Variants in TET3 observed in about 807,000 individuals in gnomAD.
TET3 encodes the protein tet methylcytosine dioxygenase 3.
A neutral mutation model predicts 141.4 loss-of-function variants in TET3; 19 were observed. The observed-to-expected ratio is 0.13, with a 90% CI of 0.09 to 0.20. TET3 has a LOEUF of 0.20. TET3 is among the 10% of genes least tolerant of loss of function. The pLI is 1.00. For missense variants in TET3, 1,874 were observed against 2,356.9 expected, an observed-to-expected ratio of 0.80 and a Z score of 4.24; for synonymous variants, 1,043 against 980.9, an observed-to-expected ratio of 1.06 and a Z score of -1.18.
intron 3 of TET3, among the ~76,000 whole-genome samples, chr2:74,013,117 C>G (rs1033816566): frequency 6.6e-6 from 1 of 151,820 alleles, no homozygotes; most frequent in South Asian, 2.1e-4. Context: ...ATCTCAGCCT[C>G]CCGAGTAGCT....
At chr2:74,042,872 C>A (rs1300330645) in intron 3 of TET3, among the ~76,000 whole-genome samples, 1 of 152,198 alleles carries the variant, frequency 6.6e-6, no homozygotes, top group Non-Finnish European at 1.5e-5. Context: ...TTCTTAAGAT[C>A]TTCCTATCCA....
intron 4 of TET3, among the ~76,000 whole-genome samples, chr2:74,049,347 C>T (rs1437891628): frequency 2.0e-5 from 3 of 152,140 alleles, no homozygotes; most frequent in African/African-American, 4.8e-5. Context: ...ATGGTTGAAG[C>T]GGTGCCGTGT....
At chr2:73,996,482 C>T (rs1212153571) in intron 2 of TET3, among the ~76,000 whole-genome samples, 1 of 152,090 alleles carries the variant, frequency 6.6e-6, no homozygotes. Context: ...CTGTCATTTG[C>T]ATAGGAAATC....
At chr2:74,098,045 G>C (rs377259568) in intron 10 of TET3, among the ~76,000 whole-genome samples, 98 of 152,234 alleles carry the variant, frequency 6.4e-4, no homozygotes, top group Non-Finnish European at 1.2e-3. Context: ...CAACGAGATC[G>C]ATTTTAACAG....
At chr2:74,122,511 A>ATATTTTTTTT in the TET3 span, 14 of 47,556 alleles carry the variant, frequency 2.9e-4, no homozygotes, top group Non-Finnish European at 3.4e-4. Context: ...ATATATATAT[A>ATATTTTTTTT]TTTTTTTTTT....
chr2:74,078,797 A>G lies in TET3; in HGVS notation c.2586-1701A>G, dbSNP rs149065230. On this transcript the variant is annotated intron_variant, in intron 5 of 11. Transcript: ENST00000409262. ...TGATCAAATTGAATTTATTACAGAAATACAAGGTTATAGTATGCTGTGTTA... is the reference window on the plus strand; with the variant it reads ...TGATCAAATTGAATTTATTACAGAAGTACAAGGTTATAGTATGCTGTGTTA... Among the ~76,000 whole-genome samples, 883 of 152,368 alleles carry G rather than the reference A, an allele frequency of 5.8e-3. 12 individuals carry two copies. Among genetic ancestry groups the G allele is most frequent in the Middle Eastern group, 0.054 (16 of 294 alleles).
chr2:73,997,864 T>C (rs1298106712), intron 2 of TET3, among the ~76,000 whole-genome samples: 2 of 152,020 alleles, frequency 1.3e-5, no homozygotes, highest in Non-Finnish European at 2.9e-5. Context: ...ATAACTACAG[T>C]ACATTCTGAT....
intron 7 of TET3, among the ~76,000 whole-genome samples, chr2:74,089,600 A>G (rs148084977): frequency 8.4e-4 from 128 of 152,290 alleles, no homozygotes; most frequent in Middle Eastern, 6.8e-3. Flanking sequence ...TATAAACGTT[A>G]ATGGGTTTTT....
At chr2:74,005,189 G>T (rs191640525) in intron 3 of TET3, among the ~76,000 whole-genome samples, 16 of 152,306 alleles carry the variant, frequency 1.1e-4, no homozygotes, top group Non-Finnish European at 2.1e-4. Flanking sequence ...GTTTTCCGCA[G>T]TCCTGCTGGA....
intron 4 of TET3, among the ~76,000 whole-genome samples, chr2:74,061,869 C>A (rs1023726496): frequency 6.7e-6 from 1 of 148,512 alleles, no homozygotes; most frequent in African/African-American, 2.5e-5. Flanking sequence ...GGATGGCGGC[C>A]GGGAAGAGGC....
intron 3 of TET3, among the ~76,000 whole-genome samples, chr2:74,007,674 C>A (rs1414162416): frequency 2.6e-5 from 4 of 152,270 alleles, no homozygotes; most frequent in African/African-American, 7.2e-5. Flanking sequence ...TACTCCTACT[C>A]CTGGGTTCTG....
At chr2:74,121,823 C>T in the TET3 span, 1 of 152,240 alleles carries the variant, frequency 6.6e-6, no homozygotes, top group Non-Finnish European at 1.5e-5. Context: ...CATGGTGAAA[C>T]CCCATCTCTA....
At chr2:74,090,170 GT>G in intron 8 of TET3, 123 bp downstream of exon 8, 1 of 1,447,600 alleles carries the variant, frequency 6.9e-7, no homozygotes. Context: ...ACTTGTTTTC[GT>G]TTTTTTAAAA....
At chr2:74,079,364 A>G (rs1476530925) in intron 5 of TET3, among the ~76,000 whole-genome samples, 1 of 152,198 alleles carries the variant, frequency 6.6e-6, no homozygotes, top group Admixed American at 6.5e-5. Context: ...AGAAAAAAAA[A>G]GAAAGCCCCT....
Position 74,049,123 on chromosome 2 carries a change from T to C in TET3, c.2494+712T>C, listed in dbSNP as rs1573787780. On this transcript the variant is annotated intron_variant, in intron 4 of 11. Transcript: ENST00000409262. Reference sequence around the variant, plus strand: ...CAAGGGCCTGGCCTGAAAGAGCCGGTGGCAGAGGGAGGGGTTGGAAGGTCT... The same window carrying C: ...CAAGGGCCTGGCCTGAAAGAGCCGGCGGCAGAGGGAGGGGTTGGAAGGTCT... 2.0e-5 allele frequency among the ~76,000 whole-genome samples: 3 copies of C among 152,004 alleles called. No homozygotes were observed. In the East Asian group the frequency reaches 5.8e-4, roughly 29 times the overall value.
At chr2:74,026,239 C>G (rs1440912756) in intron 3 of TET3, among the ~76,000 whole-genome samples, 1 of 152,138 alleles carries the variant, frequency 6.6e-6, no homozygotes, top group Non-Finnish European at 1.5e-5. Flanking sequence ...TGGTCTGCCA[C>G]TGCCTCTCCC....
chr2:74,082,788 G>A (rs1348738508), intron 6 of TET3, among the ~76,000 whole-genome samples: 1 of 152,032 alleles, frequency 6.6e-6, no homozygotes, highest in Non-Finnish European at 1.5e-5. Flanking sequence ...AAGAGGAGTT[G>A]GGTGCTCCTT....
At position 74,043,386 on chromosome 2, in the gene TET3, C is replaced by T. The variant is rs531070935; in HGVS notation, c.361-2892C>T. The stretch of plus-strand genomic sequence containing the variant: ...TGAGTGTTACTGCTCCAGCTGTGGG[C>T]AGGAAGCACAGGAGTCATTGAGATT... On this transcript the variant is annotated intron_variant, in intron 3 of 11. Coordinates refer to ENST00000409262, the MANE Select transcript of TET3 (RefSeq NM_001287491.2). 2.9e-4 allele frequency among the ~76,000 whole-genome samples: 44 copies of T among 152,236 alleles called. No individual in the cohort carries two copies. The South Asian group carries it at 9.1e-3, about 32-fold the overall frequency.
intron 4 of TET3, among the ~76,000 whole-genome samples, chr2:74,069,200 T>G (rs1689067959): frequency 6.6e-6 from 1 of 151,658 alleles, no homozygotes; most frequent in Non-Finnish European, 1.5e-5. Flanking sequence ...GGGGATAAGG[T>G]ATTAAGTATG....
Sources: allele counts gnomAD v4.1 joint callset (sites outside exome capture counted in the v4.1 genomes callset), GRCh38; gene constraint gnomAD v4.1.1; transcripts MANE v1.5; gene names NCBI Gene and HGNC (gene_info 2026-07-23, HGNC 2026-07-21).